The following DPYD variants were observed in gnomAD, a reference collection of about 807,000 sequenced individuals.
DPYD encodes the protein dihydropyrimidine dehydrogenase [NADP(+)].
Under a neutral mutation model 116.2 loss-of-function variants are expected in DPYD, and 109 were observed. The observed-to-expected ratio is 0.94, with a 90% confidence interval of 0.80 to 1.10. The LOEUF is 1.10. Among genes scored for constraint, DPYD ranks in the 50% least tolerant of loss-of-function variants. DPYD has a pLI of 0.00. For missense variants in DPYD, 1,302 were observed against 1,254.5 expected (o/e 1.04, Z -0.57); for synonymous variants, 440 against 432.0 (o/e 1.02, Z -0.23).
At chr1:97,711,614 G>A (rs140911074) in intron 5 of DPYD, among the ~76,000 whole-genome samples, 169 of 152,002 alleles carry the variant, frequency 1.1e-3, no homozygotes, top group African/African-American at 3.6e-3. Flanking sequence ...TGATGCATTC[G>A]TTCTATGTTA....
At chr1:97,704,456 A>C (rs1472502490) in intron 5 of DPYD, among the ~76,000 whole-genome samples, 1 of 152,064 alleles carries the variant, frequency 6.6e-6, no homozygotes, top group Non-Finnish European at 1.5e-5. Flanking sequence ...TGTTAAATTT[A>C]AAAATAAAAG....
At chr1:97,622,126 G>A (rs1045441297) in intron 8 of DPYD, among the ~76,000 whole-genome samples, 1 of 151,960 alleles carries the variant, frequency 6.6e-6, no homozygotes, top group African/African-American at 2.4e-5. Context: ...CATTAGGTGT[G>A]GCCTGCTCAT....
chr1:97,493,082 A>G (rs916879784), intron 13 of DPYD, among the ~76,000 whole-genome samples: 1 of 152,190 alleles, frequency 6.6e-6, no homozygotes, highest in African/African-American at 2.4e-5. Flanking sequence ...TTTTAAAATC[A>G]ACAACTTTCA....
At chr1:97,225,015 AT>A (rs1661032997) in intron 19 of DPYD, among the ~76,000 whole-genome samples, 1 of 104,434 alleles carries the variant, frequency 9.6e-6, no homozygotes, top group African/African-American at 3.7e-5. Flanking sequence ...CTATCTATCT[AT>A]CTATCTATCT....
intron 3 of DPYD, among the ~76,000 whole-genome samples, chr1:97,816,197 C>T (rs945096361): frequency 6.6e-6 from 1 of 151,562 alleles, no homozygotes; most frequent in African/African-American, 2.4e-5. Context: ...CCTTAGCCTC[C>T]TGAGTAGCTG....
At chr1:97,684,704 A>G (rs1357047418) in intron 7 of DPYD, among the ~76,000 whole-genome samples, 1 of 152,154 alleles carries the variant, frequency 6.6e-6, no homozygotes, top group African/African-American at 2.4e-5. Context: ...GCATCGAAGA[A>G]TATTATAAAC....
chr1:97,418,882 A>G (rs1184937856), intron 14 of DPYD, among the ~76,000 whole-genome samples: 2 of 152,162 alleles, frequency 1.3e-5, no homozygotes, highest in Non-Finnish European at 2.9e-5. Context: ...CCTAGAAGCA[A>G]TGACACTTAC....
At chr1:97,560,900 G>A (rs922798314) in intron 11 of DPYD, among the ~76,000 whole-genome samples, 5 of 152,128 alleles carry the variant, frequency 3.3e-5, no homozygotes. Flanking sequence ...ATGACTTAGA[G>A]GCAGATTATT....
chr1:97,687,921 A>G (rs1660818505), intron 7 of DPYD, among the ~76,000 whole-genome samples: 1 of 152,212 alleles, frequency 6.6e-6, no homozygotes, highest in Non-Finnish European at 1.5e-5. Flanking sequence ...TGGAAGCTGA[A>G]CAATGAGAAT....
chr1:97,250,916 T>C (rs1012525260), intron 18 of DPYD, among the ~76,000 whole-genome samples: 3 of 152,188 alleles, frequency 2.0e-5, no homozygotes, highest in African/African-American at 4.8e-5. Flanking sequence ...GTGTATTATA[T>C]TGTATTTAAC....
At chr1:97,907,109 A>G (rs1386250327) in intron 1 of DPYD, among the ~76,000 whole-genome samples, 1 of 152,110 alleles carries the variant, frequency 6.6e-6, no homozygotes, top group East Asian at 1.9e-4. Flanking sequence ...GCTGGGCAGG[A>G]AGGAGCGGAA....
chr1:97,794,372 G>GA (rs2101289002), intron 3 of DPYD, among the ~76,000 whole-genome samples: 2 of 151,046 alleles, frequency 1.3e-5, no homozygotes, highest in African/African-American at 4.9e-5. Context: ...GAAACAAGCC[G>GA]ACCAAAAAAA....
chr1:97,298,812 G>A (rs1307082733), intron 18 of DPYD, among the ~76,000 whole-genome samples: 1 of 151,978 alleles, frequency 6.6e-6, no homozygotes. Context: ...TTTTCCTTAG[G>A]GAGTCGAGTG....
intron 11 of DPYD, among the ~76,000 whole-genome samples, chr1:97,560,553 A>G (rs1236159852): frequency 6.9e-6 from 1 of 143,978 alleles, no homozygotes; most frequent in Non-Finnish European, 1.5e-5. Context: ...CATTCATTCA[A>G]TTAGCAAAAA....
intron 18 of DPYD, among the ~76,000 whole-genome samples, chr1:97,268,330 C>T (rs1211168067): frequency 1.3e-5 from 2 of 152,116 alleles, no homozygotes; most frequent in Non-Finnish European, 1.5e-5. Flanking sequence ...GGTCCAGGGA[C>T]TGCCTCACTC....
At chr1:97,529,968 CAATAT>C (rs1220043374) in intron 12 of DPYD, among the ~76,000 whole-genome samples, 1 of 148,250 alleles carries the variant, frequency 6.7e-6, no homozygotes, top group African/African-American at 2.5e-5. Flanking sequence ...TCTTTCTTTC[CAATAT>C]ACCCAGCATC....
At chr1:97,887,383 T>G (rs1195080713) in intron 1 of DPYD, among the ~76,000 whole-genome samples, 1 of 145,050 alleles carries the variant, frequency 6.9e-6, no homozygotes, top group Non-Finnish European at 1.5e-5. Context: ...AGCAGGAGGA[T>G]CGCTTGAGCC....
chr1:97,445,883 G>C (rs991752380), intron 14 of DPYD, among the ~76,000 whole-genome samples: 1 of 151,898 alleles, frequency 6.6e-6, no homozygotes, highest in Non-Finnish European at 1.5e-5. Flanking sequence ...CTGCCACCAT[G>C]CCTGACTAAT....
At chr1:97,642,756 A>T (rs1658008724) in intron 8 of DPYD, among the ~76,000 whole-genome samples, 1 of 146,098 alleles carries the variant, frequency 6.8e-6, no homozygotes, top group South Asian at 2.3e-4. Context: ...GGGGAGGGAT[A>T]GCTTTAGGAG....
Sources: gnomAD v4.1 joint callset for allele counts (sites outside exome capture counted in the v4.1 genomes callset) on GRCh38, gnomAD v4.1.1 for gene constraint, MANE v1.5 for transcripts, NCBI Gene and HGNC (gene_info 2026-07-23, HGNC 2026-07-21) for gene names.